Variants in ALPK1 observed in about 807,000 individuals in gnomAD.
ALPK1 encodes the protein alpha kinase 1.
Under a neutral mutation model 120.6 loss-of-function variants are expected in ALPK1, and 110 were observed. The ratio of observed to expected loss-of-function variants is 0.91; its 90% CI spans 0.78 to 1.07. The LOEUF (loss-of-function observed/expected upper bound fraction) is 1.07. ALPK1 is among the 50% of genes least tolerant of loss of function. The pLI, the probability that ALPK1 is intolerant of heterozygous loss-of-function variation, is 0.00. For missense variants in ALPK1, 1,498 were observed against 1,483.9 expected, an observed-to-expected ratio of 1.01 and a Z score of -0.16; for synonymous variants, 582 against 560.3, an observed-to-expected ratio of 1.04 and a Z score of -0.55.
intron 1 of ALPK1, among the ~76,000 whole-genome samples, chr4:112,303,919 G>A (rs1373907601): frequency 6.6e-6 from 1 of 151,572 alleles, no homozygotes; most frequent in African/African-American, 2.4e-5. Context: ...CCCACTACAA[G>A]CCCCGGTGTG....
At chr4:112,349,598 G>A (rs1423398850) in intron 2 of ALPK1, among the ~76,000 whole-genome samples, 1 of 117,566 alleles carries the variant, frequency 8.5e-6, no homozygotes, top group East Asian at 3.0e-4. Context: ...CTGTCACCCA[G>A]GCTAGAGTGC....
chr4:112,407,106 A>G (rs1441353552), intron 4 of ALPK1, among the ~76,000 whole-genome samples: 1 of 152,168 alleles, frequency 6.6e-6, no homozygotes. Flanking sequence ...AAGGTGTCAC[A>G]CCTCTTCACC....
chr4:112,427,820 T>A, intron 9 of ALPK1, 155 bp downstream of exon 9: 1 of 615,456 alleles, frequency 1.6e-6, no homozygotes, highest in Admixed American at 2.6e-5. Flanking sequence ...AGGAGTCTTG[T>A]GGGGTCCTAT....
intron 2 of ALPK1, among the ~76,000 whole-genome samples, chr4:112,338,257 C>T (rs1052211279): frequency 3.3e-5 from 5 of 152,204 alleles, no homozygotes; most frequent in African/African-American, 4.8e-5. Context: ...TGAGCCACCG[C>T]GCCCGGCCGT....
intron 2 of ALPK1, among the ~76,000 whole-genome samples, chr4:112,328,213 G>C (rs1266914698): frequency 6.6e-6 from 1 of 152,240 alleles, no homozygotes; most frequent in Non-Finnish European, 1.5e-5. Context: ...GGTTCCTTCT[G>C]TCTGTGGGCA....
At chr4:112,427,747 A>G in intron 9 of ALPK1, 82 bp downstream of exon 9, 1 of 991,958 alleles carries the variant, frequency 1.0e-6, no homozygotes, top group East Asian at 2.6e-5. Flanking sequence ...TGTCTTTCTC[A>G]GGAGATTGGG....
At chr4:112,306,256 G>A (rs1431380911) in intron 1 of ALPK1, among the ~76,000 whole-genome samples, 2 of 151,976 alleles carry the variant, frequency 1.3e-5, no homozygotes, top group African/African-American at 4.8e-5. Flanking sequence ...GGATGATGCT[G>A]GCCTCATAAA....
chr4:112,319,481 C>G (rs1728774154), intron 2 of ALPK1, among the ~76,000 whole-genome samples: 1 of 152,136 alleles, frequency 6.6e-6, no homozygotes, highest in Admixed American at 6.5e-5. Flanking sequence ...AAGTGTGATG[C>G]CTACGGATTT....
intron 6 of ALPK1, among the ~76,000 whole-genome samples, chr4:112,424,331 C>CAA (rs1395128360): frequency 6.6e-6 from 1 of 152,122 alleles, no homozygotes; most frequent in African/African-American, 2.4e-5. Flanking sequence ...AGCTTTTAAA[C>CAA]AAAATTGTGA....
intron 1 of ALPK1, among the ~76,000 whole-genome samples, chr4:112,314,721 A>G (rs1172457446): frequency 2.6e-5 from 4 of 152,142 alleles, no homozygotes. Flanking sequence ...AGGTGGGGAT[A>G]GGAGTGTGTG....
chr4:112,429,852 AAAG>A (rs200829513), intron 10 of ALPK1, among the ~76,000 whole-genome samples: 25,670 of 134,528 alleles, frequency 0.19, 2,548 homozygotes, highest in Non-Finnish European at 0.21. Flanking sequence ...AAAAAAAAAA[AAAG>A]AAAAGAAAAG....
rs1553939391 is a variant in ALPK1 at position 112,349,556 on chromosome 4, C to CCG, written c.-100-28121_-100-28120insGC. 6.8e-4 allele frequency among the ~76,000 whole-genome samples: 97 copies of CCG among 142,714 alleles called. 1 individual carries two copies. The highest frequency in any genetic ancestry group is 2.0e-4 in the Non-Finnish European group (13 of 65,992). The allele number at this position is 142,714 out of a possible 152,430, so 93.6% of individuals were successfully genotyped here. On this transcript the variant is annotated intron_variant, in intron 2 of 15. Transcript: ENST00000650871. ...TTATTACCGCCCCAACCCCTGCCCC[C>CCG]CCCCGCTTTATTTTTGAGACAGAGT...
intron 2 of ALPK1, among the ~76,000 whole-genome samples, chr4:112,348,728 T>G (rs1005340994): frequency 3.3e-5 from 5 of 152,246 alleles, no homozygotes; most frequent in African/African-American, 1.2e-4. Context: ...GCTGGTGACA[T>G]GAACACGCTG....
intron 2 of ALPK1, among the ~76,000 whole-genome samples, chr4:112,355,370 G>A (rs1050487797): frequency 6.6e-5 from 10 of 152,344 alleles, no homozygotes; most frequent in African/African-American, 2.2e-4. Context: ...ACCCGGGCCA[G>A]TGGGGGAGAC....
At chr4:112,390,359 TG>T (rs766063485) in intron 4 of ALPK1, among the ~76,000 whole-genome samples, 9 of 152,226 alleles carry the variant, frequency 5.9e-5, no homozygotes, top group Non-Finnish European at 1.3e-4. Flanking sequence ...CCCTGATCTC[TG>T]GGACTAAATC....
chr4:112,417,073 GAGGACAT>G (rs1733777657), intron 5 of ALPK1, among the ~76,000 whole-genome samples: 1 of 152,066 alleles, frequency 6.6e-6, no homozygotes, highest in Admixed American at 6.5e-5. Flanking sequence ...AAAAAATTGA[GAGGACAT>G]AGGTTTTGAC....
At chr4:112,326,335 T>G (rs1456458180) in intron 2 of ALPK1, among the ~76,000 whole-genome samples, 1 of 152,164 alleles carries the variant, frequency 6.6e-6, no homozygotes, top group African/African-American at 2.4e-5. Context: ...TAGTTTCTGT[T>G]AAATGCTTGA....
chr4:112,439,930 G>A, intron 14 of ALPK1, 58 bp downstream of exon 14: 1 of 1,395,058 alleles, frequency 7.2e-7, no homozygotes, highest in Non-Finnish European at 9.6e-7. Context: ...GTGAAGTTTT[G>A]TAACTAGCTT....
intron 2 of ALPK1, chr4:112,357,155 A>G: frequency 6.7e-7 from 1 of 1,482,380 alleles, no homozygotes; most frequent in Non-Finnish European, 9.3e-7. Flanking sequence ...CGGTGTCACC[A>G]AGCCAGGGAG....
Sources: gnomAD v4.1 joint callset for allele counts (sites outside exome capture counted in the v4.1 genomes callset) on GRCh38, gnomAD v4.1.1 for gene constraint, MANE v1.5 for transcripts, NCBI Gene and HGNC (gene_info 2026-07-23, HGNC 2026-07-21) for gene names.